The following TTC34 variants were observed in gnomAD, a reference collection of about 807,000 sequenced individuals.
The protein encoded by TTC34 is tetratricopeptide repeat protein 34.
Under a neutral mutation model 40.7 loss-of-function variants are expected in TTC34, and 44 were observed. That is an observed-to-expected ratio of 1.08 (90% CI 0.85 to 1.39). The LOEUF (loss-of-function observed/expected upper bound fraction) is 1.39, where lower values mean the gene tolerates loss of function less well. Ranked by LOEUF, TTC34 falls within the 40% of genes most tolerant of loss-of-function variation. TTC34 has a pLI of 0.00. For missense variants in TTC34, 884 were observed against 838.0 expected (o/e 1.05, Z -0.68); for synonymous variants, 422 against 398.6 (o/e 1.06, Z -0.70).
At chr1:2,655,173 C>A (rs36153218) in intron 6 of TTC34, among the ~76,000 whole-genome samples, 833 of 27,736 alleles carry the variant, frequency 0.03, no homozygotes, top group Middle Eastern at 0.11. Flanking sequence ...AGCACCCACA[C>A]CCCCAGGTGA....
chr1:2,654,324 C>G (rs1639263903), intron 6 of TTC34, among the ~76,000 whole-genome samples: 1 of 149,996 alleles, frequency 6.7e-6, no homozygotes, highest in African/African-American at 2.5e-5. Flanking sequence ...TGGAACAGCA[C>G]CCATACGCTC....
chr1:2,685,012 C>G (rs1256298900), intron 6 of TTC34, among the ~76,000 whole-genome samples: 3 of 145,848 alleles, frequency 2.1e-5, no homozygotes, highest in Non-Finnish European at 4.5e-5. Flanking sequence ...AGGCGAGCAT[C>G]TGACAGCATG....
chr1:2,755,507 A>T (rs1309573836), intron 6 of TTC34, among the ~76,000 whole-genome samples: 4 of 90,426 alleles, frequency 4.4e-5, no homozygotes, highest in Non-Finnish European at 7.9e-5. Flanking sequence ...CCACACCCAC[A>T]GGTGAGCATC....
intron 6 of TTC34, among the ~76,000 whole-genome samples, chr1:2,757,526 T>G (rs1375202095): frequency 9.3e-5 from 9 of 96,830 alleles, no homozygotes; most frequent in South Asian, 3.6e-4. Flanking sequence ...GGTGAGCATC[T>G]GACAGCCTGG....
At chr1:2,665,046 A>C (rs1639619284) in intron 6 of TTC34, among the ~76,000 whole-genome samples, 1 of 12 alleles carries the variant, frequency 0.083, no homozygotes, top group Non-Finnish European at 0.25. Flanking sequence ...AGCACCCACA[A>C]CCACAGGTGA....
At chr1:2,644,321 C>T (rs766408366) in exon 8 of TTC34, 66 of 1,535,660 alleles carry the variant, frequency 4.3e-5, no homozygotes, top group Non-Finnish European at 5.5e-5. Flanking sequence ...AGCTGAGATC[C>T]GGGGCATCCA....
intron 6 of TTC34, among the ~76,000 whole-genome samples, chr1:2,685,645 G>A (rs1640300005): frequency 1.4e-5 from 2 of 143,156 alleles, no homozygotes; most frequent in African/African-American, 5.6e-5. Flanking sequence ...ACACCCTCAG[G>A]TGAGCATCTG....
intron 6 of TTC34, among the ~76,000 whole-genome samples, chr1:2,684,843 G>A (rs200254998): frequency 5.1e-4 from 58 of 113,796 alleles, no homozygotes; most frequent in South Asian, 1.7e-3. Flanking sequence ...CACACCCACA[G>A]GTGAGCATCT....
intron 6 of TTC34, among the ~76,000 whole-genome samples, chr1:2,777,779 C>A (rs1255092686): frequency 6.6e-6 from 1 of 152,162 alleles, no homozygotes; most frequent in East Asian, 1.9e-4. Flanking sequence ...CCGTCACTCC[C>A]ACATGCTAGC....
intron 6 of TTC34, among the ~76,000 whole-genome samples, chr1:2,652,239 C>A (rs796669769): frequency 6.7e-4 from 2 of 3,006 alleles, no homozygotes; most frequent in African/African-American, 1.3e-3. Context: ...TGGAACAGCA[C>A]CCACACCCCC....
intron 6 of TTC34, among the ~76,000 whole-genome samples, chr1:2,688,342 ATCGGACAGCCTGGAGCAGCACCCAC>A (rs1640467362): frequency 7.4e-6 from 1 of 135,670 alleles, no homozygotes; most frequent in African/African-American, 3.1e-5. Flanking sequence ...CCAGGTGAGC[ATCGGACAGCCTGGAGCAGCACCCAC>A]ACGCCCAGGT....
At chr1:2,693,869 C>G (rs1163439369) in intron 6 of TTC34, among the ~76,000 whole-genome samples, 5 of 147,130 alleles carry the variant, frequency 3.4e-5, no homozygotes, top group East Asian at 4.0e-4. Context: ...ACCCACACCC[C>G]CAGGTGAGCA....
chr1:2,800,267 C>G (rs1035334041), exon 2 of TTC34: 3 of 398,482 alleles, frequency 7.5e-6, no homozygotes, highest in African/African-American at 6.2e-5. Flanking sequence ...GGGCACTGAG[C>G]AGCGCGGGGA....
chr1:2,683,645 A>C (rs1333798635), intron 6 of TTC34, among the ~76,000 whole-genome samples: 4 of 147,618 alleles, frequency 2.7e-5, no homozygotes, highest in Admixed American at 6.7e-5. Context: ...CCAGGTGAGC[A>C]TCTGACAGCC....
intron 6 of TTC34, among the ~76,000 whole-genome samples, chr1:2,749,298 G>T (rs1269213783): frequency 3.4e-5 from 1 of 29,270 alleles, no homozygotes; most frequent in Non-Finnish European, 5.4e-5. Context: ...GGTGAGCATC[G>T]GAGAGTCTGG....
intron 6 of TTC34, among the ~76,000 whole-genome samples, chr1:2,650,513 G>A (rs1418916298): frequency 1.3e-5 from 2 of 151,796 alleles, no homozygotes; most frequent in African/African-American, 2.4e-5. Context: ...CCCCAGGTGA[G>A]CATGTGATAG....
chr1:2,683,152 C>T (rs1179671529), intron 6 of TTC34, among the ~76,000 whole-genome samples: 1 of 140,176 alleles, frequency 7.1e-6, no homozygotes, highest in Non-Finnish European at 1.6e-5. Context: ...CACGCACAGC[C>T]CCAGGAGAGC....
At chr1:2,688,022 T>C (rs572089525) in intron 6 of TTC34, among the ~76,000 whole-genome samples, 1 of 127,868 alleles carries the variant, frequency 7.8e-6, no homozygotes, top group East Asian at 2.6e-4. Flanking sequence ...GGCGAGCATC[T>C]GACTGCATGT....
chr1:2,799,466 C>T (rs1643749794), intron 2 of TTC34, among the ~76,000 whole-genome samples: 1 of 152,212 alleles, frequency 6.6e-6, no homozygotes, highest in South Asian at 2.1e-4. Context: ...TCTCTTGAAC[C>T]CAGTGGGTGG....
Sources: gnomAD v4.1 joint callset for allele counts (sites outside exome capture counted in the v4.1 genomes callset) on GRCh38, gnomAD v4.1.1 for gene constraint, MANE v1.5 for transcripts, NCBI Gene and HGNC (gene_info 2026-07-23, HGNC 2026-07-21) for gene names.